The following RALYL variants were observed in gnomAD, a reference collection of about 807,000 sequenced individuals.
The protein encoded by RALYL is RNA-binding Raly-like protein.
RALYL carries 29 observed loss-of-function variants against 35.1 expected under a neutral mutation model. The observed-to-expected ratio is 0.83, with a 90% CI of 0.61 to 1.13. RALYL has a LOEUF of 1.13. RALYL is among the 50% of genes most tolerant of loss of function. The pLI is 0.00. For synonymous variants in RALYL, 120 were observed against 127.6 expected, an observed-to-expected ratio of 0.94 and a Z score of 0.40; for missense variants, 359 against 360.4, an observed-to-expected ratio of 1.00 and a Z score of 0.03.
At chr8:84,404,550 A>C (rs200509994) in intron 1 of RALYL, among the ~76,000 whole-genome samples, 1 of 151,982 alleles carries the variant, frequency 6.6e-6, no homozygotes, top group African/African-American at 2.4e-5. Context: ...AAGCTTTTTG[A>C]TGTGCTGCTG....
chr8:84,851,067 A>C (rs1835757850), intron 5 of RALYL, among the ~76,000 whole-genome samples: 1 of 152,140 alleles, frequency 6.6e-6, no homozygotes, highest in Non-Finnish European at 1.5e-5. Context: ...CACATCTAGT[A>C]TTATCACTCT....
At chr8:84,731,254 T>C (rs184406906) in intron 2 of RALYL, among the ~76,000 whole-genome samples, 5 of 152,252 alleles carry the variant, frequency 3.3e-5, no homozygotes, top group Admixed American at 1.3e-4. Context: ...ACCCACAGAA[T>C]TGAATTCAGC....
chr8:84,405,923 C>T (rs1402892952), intron 1 of RALYL, among the ~76,000 whole-genome samples: 2 of 149,228 alleles, frequency 1.3e-5, no homozygotes, highest in East Asian at 3.9e-4. Flanking sequence ...GGGTTCACGC[C>T]ATTCGCCTGC....
At chr8:84,463,250 C>T (rs375971172) in intron 1 of RALYL, among the ~76,000 whole-genome samples, 1 of 152,000 alleles carries the variant, frequency 6.6e-6, no homozygotes, top group African/African-American at 2.4e-5. Context: ...CTCTAGAGGT[C>T]TTCCATTAAG....
intron 2 of RALYL, among the ~76,000 whole-genome samples, chr8:84,769,072 G>A (rs956113086): frequency 6.6e-6 from 1 of 152,108 alleles, no homozygotes. Flanking sequence ...TTCATTTTAT[G>A]TCATTAAGTC....
upstream of RALYL, chr8:84,182,984 G>C (rs1027382841): frequency 6.6e-6 from 1 of 152,502 alleles, no homozygotes; most frequent in Admixed American, 6.5e-5. Flanking sequence ...AATACACAAG[G>C]AAGTGGCAAG....
At chr8:84,192,832 C>T (rs1178561942) in intron 1 of RALYL, among the ~76,000 whole-genome samples, 17 of 146,752 alleles carry the variant, frequency 1.2e-4, no homozygotes, top group Admixed American at 6.2e-4. Context: ...CTGGAATCAC[C>T]GTGCCCAGCC....
At chr8:84,529,713 AT>A in intron 2 of RALYL, 136 bp downstream of exon 2, 1 of 668,080 alleles carries the variant, frequency 1.5e-6, no homozygotes, top group Non-Finnish European at 2.3e-6. Context: ...TATTATTTAT[AT>A]TTTTTCATCC....
intron 2 of RALYL, among the ~76,000 whole-genome samples, chr8:84,770,902 T>C (rs1815312237): frequency 1.3e-5 from 2 of 152,190 alleles, no homozygotes; most frequent in Admixed American, 6.5e-5. Flanking sequence ...ATTATTTGTT[T>C]TTTTCTTGCT....
intron 1 of RALYL, among the ~76,000 whole-genome samples, chr8:84,322,490 A>T (rs1322432175): frequency 6.6e-6 from 1 of 152,096 alleles, no homozygotes; most frequent in African/African-American, 2.4e-5. Context: ...ATCATCTTCC[A>T]CTTTCATCTG....
intron 4 of RALYL, among the ~76,000 whole-genome samples, chr8:84,848,582 G>T (rs1312537370): frequency 6.6e-6 from 1 of 152,090 alleles, no homozygotes; most frequent in African/African-American, 2.4e-5. Flanking sequence ...AACAAATATT[G>T]TATGACTATA....
chr8:84,299,808 G>A (rs981177580), intron 1 of RALYL, among the ~76,000 whole-genome samples: 1 of 151,182 alleles, frequency 6.6e-6, no homozygotes, highest in Admixed American at 6.6e-5. Context: ...GACATCAGTG[G>A]TAATGTCCCC....
At chr8:84,712,160 T>C (rs2132486673) in intron 2 of RALYL, among the ~76,000 whole-genome samples, 1 of 152,258 alleles carries the variant, frequency 6.6e-6, no homozygotes, top group Non-Finnish European at 1.5e-5. Context: ...TATTCTCAAG[T>C]TCTAGTATGA....
At chr8:84,400,196 T>C (rs959777853) in intron 1 of RALYL, among the ~76,000 whole-genome samples, 42 of 152,198 alleles carry the variant, frequency 2.8e-4, no homozygotes, top group Non-Finnish European at 2.9e-4. Context: ...CAATGAAATA[T>C]GTTAGGGATG....
At chr8:84,887,139 T>C (rs1018620947) in intron 7 of RALYL, among the ~76,000 whole-genome samples, 1 of 152,136 alleles carries the variant, frequency 6.6e-6, no homozygotes, top group Admixed American at 6.6e-5. Context: ...CCTCAGTGAG[T>C]TTTTGTCTTT....
chr8:84,295,108 A>G (rs1839512107), intron 1 of RALYL, among the ~76,000 whole-genome samples: 1 of 152,154 alleles, frequency 6.6e-6, no homozygotes, highest in Non-Finnish European at 1.5e-5. Flanking sequence ...GAGAGAATGC[A>G]ATCTCACAAA....
chr8:84,679,786 T>C (rs1243085619), intron 2 of RALYL: 8 of 506,470 alleles, frequency 1.6e-5, no homozygotes, highest in African/African-American at 5.9e-5. Context: ...GCCAGGGAAA[T>C]TGGATAGAAA....
chr8:84,672,273 A>G (rs1833415173), intron 2 of RALYL, among the ~76,000 whole-genome samples: 1 of 152,172 alleles, frequency 6.6e-6, no homozygotes, highest in Non-Finnish European at 1.5e-5. Flanking sequence ...CCTGGACTTT[A>G]TTGTCCATAT....
intron 1 of RALYL, among the ~76,000 whole-genome samples, chr8:84,214,011 A>C: frequency 6.6e-6 from 1 of 152,184 alleles, no homozygotes; most frequent in East Asian, 1.9e-4. Flanking sequence ...TTATTTCTAA[A>C]GTATTAGCAC....
Sources: allele counts gnomAD v4.1 joint callset (sites outside exome capture counted in the v4.1 genomes callset), GRCh38; gene constraint gnomAD v4.1.1; transcripts MANE v1.5; gene names NCBI Gene and HGNC (gene_info 2026-07-23, HGNC 2026-07-21).